KIAA1671: variants seen among roughly 807,000 people sequenced by gnomAD.
The protein encoded by KIAA1671 is KIAA1671.
In KIAA1671, 52 loss-of-function variants were observed where a neutral mutation model predicts 131.2. The ratio of observed to expected loss-of-function variants is 0.40; its 90% CI spans 0.32 to 0.50. The LOEUF is 0.50. KIAA1671 is among the 20% of genes least tolerant of loss of function. KIAA1671 has a pLI of 0.73. For missense variants in KIAA1671, 2,360 were observed against 2,364.2 expected (o/e 1.00, Z 0.04); for synonymous variants, 1,003 against 961.6 (o/e 1.04, Z -0.80).
At chr22:25,134,497 A>G (rs908530119) in intron 6 of KIAA1671, among the ~76,000 whole-genome samples, 6 of 152,186 alleles carry the variant, frequency 3.9e-5, no homozygotes, top group Non-Finnish European at 7.3e-5. Flanking sequence ...GCATTTATCA[A>G]TTTGTCAAAA....
Position 25,039,118 on chromosome 22 carries a change from C to G in KIAA1671, c.1988C>G (p.Pro663Arg). ...GGCTCTTGGCTGGGCAGGGACCCAC[C>G]AGACATGACAAAACTGAAGAAAGAG... Reference protein sequence around the residue: ...EMGSWLGRDPPDMTKLKKENS... With the variant: ...EMGSWLGRDPRDMTKLKKENS... The change falls in exon 5 of 13, where the codon CCA (proline) becomes CGA (arginine). Residue 663 changes from proline (P) to arginine (R), a missense_variant. By Grantham distance (103) the Pro-to-Arg change is moderately radical. Transcript: ENST00000358431. The G allele has an allele frequency of 4.5e-6, 7 of 1,551,500 alleles. No homozygotes were observed. Among genetic ancestry groups the G allele is most frequent in the Admixed American group, 2.0e-5 (1 of 51,012 alleles).
At chr22:25,173,821 T>C (rs534092252) in intron 7 of KIAA1671, among the ~76,000 whole-genome samples, 1 of 152,314 alleles carries the variant, frequency 6.6e-6, no homozygotes, top group Admixed American at 6.5e-5. Context: ...CAGTTTACAT[T>C]CTTTTTTTCT....
chr22:24,999,526 C>G (rs1292805677), intron 1 of KIAA1671, among the ~76,000 whole-genome samples: 1 of 149,680 alleles, frequency 6.7e-6, no homozygotes, highest in Non-Finnish European at 1.5e-5. Flanking sequence ...TTATGCCTGG[C>G]CTGGAGTAGT....
intron 7 of KIAA1671, among the ~76,000 whole-genome samples, chr22:25,171,993 G>A (rs796591489): frequency 6.6e-6 from 1 of 152,148 alleles, no homozygotes; most frequent in East Asian, 1.9e-4. Flanking sequence ...GTTGGCAGGA[G>A]GGTGATAGAA....
Position 25,028,607 on chromosome 22 carries a change from C to CA in KIAA1671, c.612dup (p.Pro205ThrfsTer88). The CA allele has an allele frequency of 6.4e-7, 1 of 1,550,898 alleles. No homozygotes were observed. Among genetic ancestry groups the CA allele is most frequent in the Non-Finnish European group, 8.7e-7 (1 of 1,146,930 alleles). ...CGGTCAGCTCCCCTGTCTCAGGACACAAAACCACCTGTACCCCAAGAGGAG... is the reference window on the plus strand; with the variant it reads ...CGGTCAGCTCCCCTGTCTCAGGACACAAAAACCACCTGTACCCCAAGAGGAG... On this transcript the variant is annotated frameshift_variant, in exon 3 of 13. Transcript: ENST00000358431. LOFTEE classifies it high-confidence loss of function.
At chr22:25,029,644 T>A in intron 3 of KIAA1671, 104 bp downstream of exon 3, 1 of 827,636 alleles carries the variant, frequency 1.2e-6, no homozygotes, top group Non-Finnish European at 1.8e-6. Context: ...CCCCTCAGTT[T>A]ACCCATAGCC....
At chr22:25,073,182 C>A in intron 6 of KIAA1671, among the ~76,000 whole-genome samples, 1 of 152,170 alleles carries the variant, frequency 6.6e-6, no homozygotes, top group Non-Finnish European at 1.5e-5. Context: ...ATCCTCCCAC[C>A]TCAGCCTCCA....
chr22:24,956,892 G>A (rs1196452960), intron 1 of KIAA1671, among the ~76,000 whole-genome samples: 3 of 147,994 alleles, frequency 2.0e-5, no homozygotes, highest in African/African-American at 7.6e-5. Context: ...AAAAAAAGAA[G>A]GGAGGGAGGG....
chr22:25,027,319 C>T (rs1386106184), intron 2 of KIAA1671, among the ~76,000 whole-genome samples: 2 of 152,156 alleles, frequency 1.3e-5, no homozygotes, highest in Non-Finnish European at 2.9e-5. Flanking sequence ...CACTAACCAG[C>T]TTTGTGCTCC....
intron 6 of KIAA1671, among the ~76,000 whole-genome samples, chr22:25,143,689 G>A (rs1932837140): frequency 1.3e-5 from 2 of 152,202 alleles, no homozygotes; most frequent in Non-Finnish European, 2.9e-5. Flanking sequence ...CATTTTCCCT[G>A]CAGATGACAT....
At chr22:25,072,900 TG>T (rs1478057793) in intron 6 of KIAA1671, among the ~76,000 whole-genome samples, 6 of 152,186 alleles carry the variant, frequency 3.9e-5, no homozygotes, top group Non-Finnish European at 8.8e-5. Flanking sequence ...CTCGCTCCCC[TG>T]CCACTCCTGT....
Position 24,982,382 on chromosome 22 carries a change from G to A in KIAA1671, c.-208+29610G>A, listed in dbSNP as rs896139965. On this transcript the variant is annotated intron_variant, in intron 1 of 12. Transcript: ENST00000358431. ...CGTGATTAGCAAGTGTCGCGGAAGT[G>A]TTAAAGACAGGCTGGCACCTCATGG... Among the ~76,000 whole-genome samples, 7 of 152,354 alleles carry A rather than the reference G, an allele frequency of 4.6e-5. No individual in the cohort carries two copies. The East Asian group carries it at 1.2e-3, about 25-fold the overall frequency.
At chr22:25,062,962 AC>A (rs987412184) in intron 6 of KIAA1671, 1 of 151,856 alleles carries the variant, frequency 6.6e-6, no homozygotes, top group African/African-American at 2.4e-5. Flanking sequence ...GGGGCAGATA[AC>A]CCCCTTTTCT....
chr22:25,127,633 G>A (rs1932247537), intron 6 of KIAA1671, among the ~76,000 whole-genome samples: 1 of 151,816 alleles, frequency 6.6e-6, no homozygotes, highest in African/African-American at 2.4e-5. Flanking sequence ...TAACAGCCAC[G>A]GCTAATTAGG....
intron 6 of KIAA1671, among the ~76,000 whole-genome samples, chr22:25,104,282 C>CATAATAAAGAATTATGTTA (rs1930872088): frequency 3.3e-5 from 5 of 152,146 alleles, no homozygotes; most frequent in Non-Finnish European, 5.9e-5. Context: ...CCTGGCCCCA[C>CATAATAAAGAATTATGTTA]CTTCTTTATT....
At chr22:24,992,835 A>AAAAAAAAAAAAAC (rs1923918533) in intron 1 of KIAA1671, among the ~76,000 whole-genome samples, 3 of 151,448 alleles carry the variant, frequency 2.0e-5, no homozygotes, top group Non-Finnish European at 2.9e-5. Context: ...AAAAAAAAAA[A>AAAAAAAAAAAAAC]AAAGACAATG....
At chr22:25,156,367 G>A (rs981347758) in intron 6 of KIAA1671, among the ~76,000 whole-genome samples, 1 of 151,918 alleles carries the variant, frequency 6.6e-6, no homozygotes, top group Non-Finnish European at 1.5e-5. Context: ...GCATATATGT[G>A]TGTATTTGTG....
chr22:25,088,762 C>T (rs1929866757), intron 6 of KIAA1671, among the ~76,000 whole-genome samples: 1 of 152,144 alleles, frequency 6.6e-6, no homozygotes, highest in African/African-American at 2.4e-5. Flanking sequence ...TCTGCAGTCC[C>T]CTCCTCCGGA....
Position 25,019,050 on chromosome 22 carries a change from T to TTGTGTGTGTGTGTG in KIAA1671, c.-207-6553_-207-6540dup, listed in dbSNP as rs377368958. Among the ~76,000 whole-genome samples the TTGTGTGTGTGTGTG allele has an allele frequency of 1.7e-3, 242 of 144,210 alleles. 1 individual carries two copies. Among genetic ancestry groups the TTGTGTGTGTGTGTG allele is most frequent in the African/African-American group, 5.7e-3 (220 of 38,308 alleles). 94.6% of individuals were successfully genotyped at this position (144,210 alleles called of 152,430 possible). ...CTTCACATCCTCTCCAATAGTTGTT[T>TTGTGTGTGTGTGTG]TGTGTGTGTGTGTGTGTGTGTGTGT... On this transcript the variant is annotated intron_variant, in intron 1 of 12. Transcript: ENST00000358431.
Sources: allele counts gnomAD v4.1 joint callset (sites outside exome capture counted in the v4.1 genomes callset), GRCh38; gene constraint gnomAD v4.1.1; transcripts MANE v1.5; gene names NCBI Gene and HGNC (gene_info 2026-07-23, HGNC 2026-07-21).